GRM7: variants seen among roughly 807,000 people sequenced by gnomAD.
GRM7 encodes metabotropic glutamate receptor 7.
Under a neutral mutation model 84.5 loss-of-function variants are expected in GRM7, and 35 were observed. The observed-to-expected ratio is 0.41, with a 90% CI of 0.32 to 0.55. The LOEUF (loss-of-function observed/expected upper bound fraction) is 0.55, where lower values mean the gene tolerates loss of function less well. Among genes scored for constraint, GRM7 ranks in the 20% least tolerant of loss-of-function variants. The pLI is 0.19. For missense variants in GRM7, 1,003 were observed against 1,194.6 expected (o/e 0.84, Z 2.36); for synonymous variants, 487 against 455.1 (o/e 1.07, Z -0.89).
At chr3:7,118,110 G>A (rs575083933) in intron 1 of GRM7, among the ~76,000 whole-genome samples, 29 of 152,152 alleles carry the variant, frequency 1.9e-4, no homozygotes, top group Admixed American at 6.5e-5. Context: ...AGAAGGCTGG[G>A]TATGGTGGCT....
chr3:7,529,196 G>A (rs971316998), intron 7 of GRM7, among the ~76,000 whole-genome samples: 2 of 152,050 alleles, frequency 1.3e-5, no homozygotes, highest in African/African-American at 4.8e-5. Flanking sequence ...GCGTCTTATT[G>A]TCTAGAATAG....
At chr3:7,350,108 A>G (rs1052068785) in intron 4 of GRM7, among the ~76,000 whole-genome samples, 6 of 152,122 alleles carry the variant, frequency 3.9e-5, no homozygotes, top group African/African-American at 4.8e-5. Flanking sequence ...AAACATAAGG[A>G]CAATGTTGTT....
intron 2 of GRM7, among the ~76,000 whole-genome samples, chr3:7,250,472 T>C (rs954778526): frequency 6.6e-6 from 1 of 151,670 alleles, no homozygotes; most frequent in Non-Finnish European, 1.5e-5. Flanking sequence ...TGTGTGTGCC[T>C]ATACACATAT....
chr3:7,110,791 G>C (rs1426979854), intron 1 of GRM7, among the ~76,000 whole-genome samples: 1 of 152,088 alleles, frequency 6.6e-6, no homozygotes, highest in African/African-American at 2.4e-5. Flanking sequence ...GAGGGGAGAA[G>C]AATGTGTAAA....
intron 7 of GRM7, among the ~76,000 whole-genome samples, chr3:7,481,634 T>A (rs990750760): frequency 6.6e-6 from 1 of 152,212 alleles, no homozygotes. Flanking sequence ...TAACTCTTAT[T>A]GCTATGTGTG....
chr3:7,010,448 CCT>C (rs1172147118), intron 1 of GRM7, among the ~76,000 whole-genome samples: 1 of 152,128 alleles, frequency 6.6e-6, no homozygotes, highest in Non-Finnish European at 1.5e-5. Flanking sequence ...AGCAAGACTC[CCT>C]CTCTCTAAAA....
intron 1 of GRM7, among the ~76,000 whole-genome samples, chr3:6,952,770 A>T (rs1043286551): frequency 1.3e-5 from 2 of 152,110 alleles, no homozygotes; most frequent in African/African-American, 4.8e-5. Flanking sequence ...AGCCCCTATT[A>T]CTCTAATTTA....
At chr3:6,888,034 G>A (rs1349569846) in intron 1 of GRM7, among the ~76,000 whole-genome samples, 1 of 152,168 alleles carries the variant, frequency 6.6e-6, no homozygotes, top group Non-Finnish European at 1.5e-5. Flanking sequence ...GTCTTCTGTT[G>A]AGAAGTGTCT....
At chr3:6,924,461 A>G (rs1697231593) in intron 1 of GRM7, among the ~76,000 whole-genome samples, 1 of 152,190 alleles carries the variant, frequency 6.6e-6, no homozygotes, top group African/African-American at 2.4e-5. Context: ...ACTTACACCA[A>G]TTAAATATGA....
In GRM7 at chr3:7,064,463, C is replaced by CATATAT. The variant is rs745409093; in HGVS notation, c.520-81977_520-81972dup. 8.9e-4 allele frequency among the ~76,000 whole-genome samples: 78 copies of CATATAT among 87,372 alleles called. 8 individuals carry two copies. The highest frequency in any genetic ancestry group is 1.2e-3 in the East Asian group (4 of 3,448). 57.3% of individuals were successfully genotyped at this position (87,372 alleles called of 152,430 possible). On this transcript the variant is annotated intron_variant, in intron 1 of 9. Transcript: ENST00000357716. ...ATTCCCTCATGTATGGATATATATA[C>CATATAT]ATATATATATATATATACACACATA... is the stretch of plus-strand genomic sequence containing the variant.
intron 4 of GRM7, among the ~76,000 whole-genome samples, chr3:7,377,777 A>G (rs1694416376): frequency 6.6e-6 from 1 of 152,156 alleles, no homozygotes; most frequent in East Asian, 1.9e-4. Context: ...ACATAATGGG[A>G]AATTATATGA....
At position 6,974,060 on chromosome 3, in the gene GRM7, C is replaced by T. The variant is rs78073964; in HGVS notation, c.519+112153C>T. On this transcript the variant is annotated intron_variant, in intron 1 of 9. Coordinates refer to ENST00000357716, the MANE Select transcript of GRM7 (RefSeq NM_000844.4). ...TGCAAACTTTAAATTTGAAATGAAG[C>T]GATTGGATTCTGGACACATGTTTAA... 1.2e-3 allele frequency among the ~76,000 whole-genome samples: 180 copies of T among 152,084 alleles called. 3 individuals carry two copies. In the East Asian group the frequency reaches 0.023, roughly 20 times the overall value.
intron 2 of GRM7, among the ~76,000 whole-genome samples, chr3:7,182,204 A>T (rs933743821): frequency 2.6e-5 from 4 of 152,182 alleles, no homozygotes; most frequent in African/African-American, 9.7e-5. Flanking sequence ...AGCTTCCCTC[A>T]GAATTTACTG....
chr3:7,274,988 C>CTATT (rs1698999423), intron 2 of GRM7, among the ~76,000 whole-genome samples: 2 of 152,048 alleles, frequency 1.3e-5, no homozygotes, highest in Non-Finnish European at 2.9e-5. Flanking sequence ...TCTTCTCAGT[C>CTATT]TATTTTTTCT....
In GRM7 at chr3:7,265,221, G is replaced by C. The variant is rs541130460; in HGVS notation, c.737-33463G>C. Among the ~76,000 whole-genome samples the C allele has an allele frequency of 2.6e-5, 4 of 152,262 alleles. No homozygotes were observed. The East Asian group carries it at 5.8e-4, about 22-fold the overall frequency. On this transcript the variant is annotated intron_variant, in intron 2 of 9. Coordinates refer to ENST00000357716, the MANE Select transcript of GRM7 (RefSeq NM_000844.4). ...TTCTAGCTATCTCTGGACATATTTG[G>C]AATGGAAACCTTTCAGTTCAACTTT...
chr3:7,121,878 C>T (rs2125044518), intron 1 of GRM7, among the ~76,000 whole-genome samples: 1 of 152,256 alleles, frequency 6.6e-6, no homozygotes, highest in East Asian at 1.9e-4. Context: ...GCCATGAGAG[C>T]AGAGCTCTCG....
intron 4 of GRM7, among the ~76,000 whole-genome samples, chr3:7,321,930 G>A (rs1190251433): frequency 6.6e-6 from 1 of 152,012 alleles, no homozygotes; most frequent in Non-Finnish European, 1.5e-5. Context: ...GTTACACCTG[G>A]CCTCCATATG....
At chr3:7,046,747 A>G (rs1036218793) in intron 1 of GRM7, among the ~76,000 whole-genome samples, 1 of 152,126 alleles carries the variant, frequency 6.6e-6, no homozygotes, top group African/African-American at 2.4e-5. Flanking sequence ...TTGAGGGTCC[A>G]GAGGGTCTTT....
At chr3:7,555,611 A>G (rs962465662) in intron 7 of GRM7, among the ~76,000 whole-genome samples, 1 of 152,224 alleles carries the variant, frequency 6.6e-6, no homozygotes, top group Non-Finnish European at 1.5e-5. Flanking sequence ...CATTGTTACA[A>G]CTGCCTGAAT....
Sources: allele counts gnomAD v4.1 joint callset (sites outside exome capture counted in the v4.1 genomes callset), GRCh38; gene constraint gnomAD v4.1.1; transcripts MANE v1.5; gene names NCBI Gene and HGNC (gene_info 2026-07-23, HGNC 2026-07-21).